L3MBTL4: variants seen among roughly 807,000 people sequenced by gnomAD.
The protein encoded by L3MBTL4 is lethal(3)malignant brain tumor-like protein 4.
In L3MBTL4, 70 loss-of-function variants were observed where a neutral mutation model predicts 84.5. The ratio of observed to expected loss-of-function variants is 0.83; its 90% CI spans 0.68 to 1.01. The LOEUF (loss-of-function observed/expected upper bound fraction) is 1.01, where lower values mean the gene tolerates loss of function less well. Among genes scored for constraint, L3MBTL4 ranks in the 50% least tolerant of loss-of-function variants. The pLI, the probability that L3MBTL4 is intolerant of heterozygous loss-of-function variation, is 0.00. For missense variants in L3MBTL4, 715 were observed against 754.8 expected, an observed-to-expected ratio of 0.95 and a Z score of 0.62; for synonymous variants, 274 against 259.8, an observed-to-expected ratio of 1.05 and a Z score of -0.52.
intron 1 of L3MBTL4, among the ~76,000 whole-genome samples, chr18:6,348,401 C>T (rs1568533577): frequency 6.6e-6 from 1 of 152,108 alleles, no homozygotes; most frequent in Non-Finnish European, 1.5e-5. Context: ...ATGACCCCAA[C>T]AGAAAGATAA....
rs2055684300 is a variant in L3MBTL4 at position 6,029,647 on chromosome 18, A to G, written c.1444+51234T>C. On this transcript the variant is annotated intron_variant, in intron 16 of 18. Coordinates refer to ENST00000317931, the MANE Select transcript of L3MBTL4 (RefSeq NM_001330559.2). ...AAAGGAAAACTTAAAATGCAATTAC[A>G]GGACAGGAAATATTTGAGTATGGGA... is the stretch of plus-strand genomic sequence containing the variant. The G allele has an allele frequency of 1.0e-5, 10 of 985,202 alleles. No individual in the cohort carries two copies. In the South Asian group the frequency reaches 4.2e-4, roughly 42 times the overall value. The allele number at this position is 985,202 out of a possible 1,614,324, so 61.0% of individuals were successfully genotyped here. A position where few individuals can be genotyped will look rare whatever the true frequency, so the allele number is the denominator to read the frequency against.
At chr18:6,141,894 C>A (rs752609636) in intron 13 of L3MBTL4, among the ~76,000 whole-genome samples, 1 of 152,048 alleles carries the variant, frequency 6.6e-6, no homozygotes, top group Non-Finnish European at 1.5e-5. Context: ...GAATTTTTAC[C>A]CTGGCCTACA....
At chr18:6,090,593 T>TATAC (rs779578993) in intron 15 of L3MBTL4, among the ~76,000 whole-genome samples, 13 of 86,778 alleles carry the variant, frequency 1.5e-4, no homozygotes, top group East Asian at 9.2e-4. Flanking sequence ...ATTATATATA[T>TATAC]ACACACACAC....
intron 12 of L3MBTL4, among the ~76,000 whole-genome samples, chr18:6,182,270 T>C (rs1439925987): frequency 6.6e-6 from 1 of 152,222 alleles, no homozygotes; most frequent in Non-Finnish European, 1.5e-5. Context: ...GCATTTTTCA[T>C]ATGCATGTTG....
intron 16 of L3MBTL4, among the ~76,000 whole-genome samples, chr18:6,013,459 T>C (rs991533266): frequency 2.0e-5 from 3 of 152,224 alleles, no homozygotes; most frequent in African/African-American, 7.2e-5. Context: ...GATGAGGAGC[T>C]GTGCTCTTCT....
At chr18:6,024,512 T>G (rs901815554) in intron 16 of L3MBTL4, among the ~76,000 whole-genome samples, 2 of 152,228 alleles carry the variant, frequency 1.3e-5, no homozygotes, top group African/African-American at 2.4e-5. Context: ...TCCAGGATAT[T>G]GTTTTGCTAA....
At chr18:6,285,604 G>A (rs2049536684) in intron 4 of L3MBTL4, among the ~76,000 whole-genome samples, 1 of 151,724 alleles carries the variant, frequency 6.6e-6, no homozygotes, top group Non-Finnish European at 1.5e-5. Flanking sequence ...AGCACCCAGG[G>A]CACATACCAT....
chr18:6,263,661 A>C (rs894013877), intron 5 of L3MBTL4, among the ~76,000 whole-genome samples: 7 of 152,334 alleles, frequency 4.6e-5, no homozygotes, highest in African/African-American at 1.7e-4. Context: ...CAACTGATTT[A>C]GTCCTCCAAC....
intron 1 of L3MBTL4, among the ~76,000 whole-genome samples, chr18:6,336,073 GTTTAA>G (rs1455980960): frequency 6.6e-6 from 1 of 152,164 alleles, no homozygotes; most frequent in Non-Finnish European, 1.5e-5. Context: ...TCTAAATGCT[GTTTAA>G]TTTTGCAAAT....
chr18:6,035,563 A>G (rs1568013409), intron 16 of L3MBTL4, among the ~76,000 whole-genome samples: 1 of 152,126 alleles, frequency 6.6e-6, no homozygotes, highest in Non-Finnish European at 1.5e-5. Context: ...CTTGTAGTAT[A>G]GTTTGAAGTC....
At chr18:6,272,976 G>C (rs759045941) in intron 4 of L3MBTL4, among the ~76,000 whole-genome samples, 796 of 23,228 alleles carry the variant, frequency 0.034, 22 homozygotes, top group Middle Eastern at 0.091. Context: ...TCAGGAGCAC[G>C]GGGAAAGGGA....
intron 1 of L3MBTL4, among the ~76,000 whole-genome samples, chr18:6,373,611 A>G (rs2054249819): frequency 6.6e-6 from 1 of 152,166 alleles, no homozygotes; most frequent in Non-Finnish European, 1.5e-5. Flanking sequence ...AAGGAAGCCA[A>G]CCCAGTGTTG....
At chr18:6,197,828 T>C (rs2045474103) in intron 12 of L3MBTL4, among the ~76,000 whole-genome samples, 2 of 152,212 alleles carry the variant, frequency 1.3e-5, no homozygotes, top group African/African-American at 4.8e-5. Context: ...TACAAACTCA[T>C]TTGCTATCAC....
At chr18:6,065,571 A>G (rs1251290625) in intron 16 of L3MBTL4, among the ~76,000 whole-genome samples, 1 of 152,008 alleles carries the variant, frequency 6.6e-6, no homozygotes, top group Non-Finnish European at 1.5e-5. Context: ...TTCCTGATTT[A>G]ATCTAGGATG....
chr18:6,302,442 G>A (rs2050383255), intron 3 of L3MBTL4, among the ~76,000 whole-genome samples: 2 of 152,188 alleles, frequency 1.3e-5, no homozygotes, highest in South Asian at 4.1e-4. Context: ...TTCCTGAAAA[G>A]AAACCATGAA....
chr18:6,360,964 G>C (rs2144006094), intron 1 of L3MBTL4, among the ~76,000 whole-genome samples: 1 of 151,072 alleles, frequency 6.6e-6, no homozygotes, highest in East Asian at 2.0e-4. Flanking sequence ...GCTGCAGTGA[G>C]CTGTGATTGT....
At chr18:6,236,617 A>G (rs2047226415) in intron 10 of L3MBTL4, among the ~76,000 whole-genome samples, 1 of 152,206 alleles carries the variant, frequency 6.6e-6, no homozygotes, top group African/African-American at 2.4e-5. Context: ...TCTGACAAGC[A>G]TTTCATCTCA....
intron 3 of L3MBTL4, among the ~76,000 whole-genome samples, chr18:6,306,478 T>C (rs1486920367): frequency 6.6e-6 from 1 of 152,232 alleles, no homozygotes; most frequent in African/African-American, 2.4e-5. Flanking sequence ...ATCAGTCTTC[T>C]ATGAGGCAAC....
At chr18:6,222,754 T>C (rs147399601) in intron 10 of L3MBTL4, among the ~76,000 whole-genome samples, 1 of 152,100 alleles carries the variant, frequency 6.6e-6, no homozygotes, top group Non-Finnish European at 1.5e-5. Flanking sequence ...AGGCACTCAA[T>C]TCATATCGTT....
Sources: gnomAD v4.1 joint callset for allele counts (sites outside exome capture counted in the v4.1 genomes callset) on GRCh38, gnomAD v4.1.1 for gene constraint, MANE v1.5 for transcripts, NCBI Gene and HGNC (gene_info 2026-07-23, HGNC 2026-07-21) for gene names.